The following DPP10 variants were observed in gnomAD, a reference collection of about 807,000 sequenced individuals.
DPP10 encodes the protein inactive dipeptidyl peptidase 10.
A neutral mutation model predicts 120.9 loss-of-function variants in DPP10; 33 were observed. The observed-to-expected ratio is 0.27, with a 90% CI of 0.21 to 0.37. The LOEUF is 0.37. DPP10 is among the 10% of genes least tolerant of loss of function. The pLI is 1.00. For synonymous variants in DPP10, 337 were observed against 326.1 expected (o/e 1.03, Z -0.36); for missense variants, 816 against 942.8 (o/e 0.87, Z 1.76).
intron 1 of DPP10, among the ~76,000 whole-genome samples, chr2:114,915,312 C>T (rs1162668806): frequency 1.3e-5 from 2 of 152,166 alleles, no homozygotes; most frequent in African/African-American, 4.8e-5. Flanking sequence ...GAAGTTTTAA[C>T]TATTCTAAAT....
intron 1 of DPP10, among the ~76,000 whole-genome samples, chr2:114,797,153 T>C (rs1683789155): frequency 6.6e-6 from 1 of 152,210 alleles, no homozygotes; most frequent in African/African-American, 2.4e-5. Context: ...TAATTTTAAC[T>C]TTCAAGATTA....
In DPP10 at chr2:115,066,203, T is replaced by C. The variant is rs572212531; in HGVS notation, c.61-243036T>C. Among the ~76,000 whole-genome samples the C allele has an allele frequency of 2.6e-5, 4 of 152,314 alleles. No homozygotes were observed. In the South Asian group the frequency reaches 8.3e-4, roughly 32 times the overall value. On this transcript the variant is annotated intron_variant, in intron 1 of 25. Coordinates refer to ENST00000410059, the MANE Select transcript of DPP10 (RefSeq NM_020868.6). ...GATTCATTAACTTATTCATTTTATA[T>C]ATATGTATGTTTTTCACGTTATAGA...
intron 1 of DPP10, among the ~76,000 whole-genome samples, chr2:115,294,653 TCA>T (rs2060804193): frequency 6.6e-6 from 1 of 152,134 alleles, no homozygotes; most frequent in Non-Finnish European, 1.5e-5. Flanking sequence ...GTTAACCTTA[TCA>T]ATTGTGACTA....
At chr2:114,984,683 T>A (rs1293927585) in intron 1 of DPP10, among the ~76,000 whole-genome samples, 3 of 152,292 alleles carry the variant, frequency 2.0e-5, no homozygotes, top group African/African-American at 7.2e-5. Context: ...AAGGAACCCA[T>A]CAGGCACCAT....
intron 1 of DPP10, among the ~76,000 whole-genome samples, chr2:115,116,152 T>C (rs1052644686): frequency 6.6e-6 from 1 of 152,004 alleles, no homozygotes; most frequent in Admixed American, 6.6e-5. Flanking sequence ...ATCTCATTTT[T>C]TTTCCCAAAG....
At chr2:114,445,532 CTCTGTGTGTGTGTG>C (rs1558766336) in intron 1 of DPP10, among the ~76,000 whole-genome samples, 3 of 116,034 alleles carry the variant, frequency 2.6e-5, no homozygotes, top group African/African-American at 9.9e-5. Flanking sequence ...GGAAAAACAG[CTCTGTGTGTGTGTG>C]TGTGTGTGTG....
At chr2:115,554,775 A>G (rs1204379119) in intron 5 of DPP10, among the ~76,000 whole-genome samples, 2 of 152,146 alleles carry the variant, frequency 1.3e-5, no homozygotes, top group Admixed American at 6.6e-5. Flanking sequence ...ATATCTTTCC[A>G]TGACAAAACA....
At chr2:114,849,262 G>C (rs150253129) in intron 1 of DPP10, among the ~76,000 whole-genome samples, 1 of 152,060 alleles carries the variant, frequency 6.6e-6, no homozygotes, top group South Asian at 2.1e-4. Flanking sequence ...TAAAATAATT[G>C]TTCTGGGTCT....
chr2:115,221,754 G>GTTTTTTTTTTTTTTTTTTTTTTTT (rs56077672), intron 1 of DPP10, among the ~76,000 whole-genome samples: 1 of 120,144 alleles, frequency 8.3e-6, no homozygotes, highest in African/African-American at 3.3e-5. Flanking sequence ...GTTTGTTTCT[G>GTTTTTTTTTTTTTTTTTTTTTTTT]TTTTTTTTTT....
intron 1 of DPP10, among the ~76,000 whole-genome samples, chr2:114,486,671 T>C (rs961188269): frequency 1.3e-5 from 2 of 152,166 alleles, no homozygotes; most frequent in Non-Finnish European, 2.9e-5. Flanking sequence ...TCTGTAACTC[T>C]CATGATTTTG....
intron 1 of DPP10, among the ~76,000 whole-genome samples, chr2:114,680,806 G>T (rs1698977466): frequency 6.6e-6 from 1 of 151,920 alleles, no homozygotes; most frequent in Non-Finnish European, 1.5e-5. Context: ...GAACTAAAAT[G>T]ATGAAACAAG....
intron 1 of DPP10, among the ~76,000 whole-genome samples, chr2:114,966,660 A>C (rs553371178): frequency 6.6e-6 from 1 of 152,224 alleles, no homozygotes; most frequent in African/African-American, 2.4e-5. Context: ...ACAGCACCAC[A>C]CACAACAATG....
intron 1 of DPP10, among the ~76,000 whole-genome samples, chr2:114,794,488 C>T (rs1425405551): frequency 2.6e-5 from 4 of 152,140 alleles, no homozygotes; most frequent in Admixed American, 6.5e-5. Context: ...CCTGAGAAGA[C>T]AAGGGAGATC....
chr2:114,745,353 G>T (rs1004840319), intron 1 of DPP10, among the ~76,000 whole-genome samples: 11 of 152,072 alleles, frequency 7.2e-5, no homozygotes, highest in Non-Finnish European at 1.0e-4. Flanking sequence ...GCAAACAATA[G>T]ATTTTGTTTA....
At chr2:115,586,042 G>A (rs942620675) in intron 5 of DPP10, among the ~76,000 whole-genome samples, 1 of 152,132 alleles carries the variant, frequency 6.6e-6, no homozygotes, top group African/African-American at 2.4e-5. Flanking sequence ...AATATCAAAG[G>A]CCAGGTGTGG....
intron 5 of DPP10, among the ~76,000 whole-genome samples, chr2:115,548,047 G>A (rs1365444419): frequency 1.3e-5 from 2 of 152,052 alleles, no homozygotes; most frequent in African/African-American, 2.4e-5. Flanking sequence ...AAACTAACAA[G>A]AAATATCAAT....
intron 21 of DPP10, among the ~76,000 whole-genome samples, chr2:115,835,740 CAT>C (rs1559220810): frequency 6.6e-6 from 1 of 152,062 alleles, no homozygotes; most frequent in African/African-American, 2.4e-5. Flanking sequence ...CTTAATTCTA[CAT>C]AATCATCATT....
intron 1 of DPP10, among the ~76,000 whole-genome samples, chr2:115,150,228 C>T (rs945287843): frequency 2.6e-5 from 4 of 152,184 alleles, no homozygotes; most frequent in East Asian, 1.9e-4. Context: ...CTCAGTCATT[C>T]GCCTAGCACA....
At chr2:114,671,594 G>A (rs529235432) in intron 1 of DPP10, among the ~76,000 whole-genome samples, 34 of 152,130 alleles carry the variant, frequency 2.2e-4, no homozygotes, top group African/African-American at 7.9e-4. Context: ...ATAGGATTTG[G>A]TAATATCATG....
Sources: allele counts gnomAD v4.1 joint callset (sites outside exome capture counted in the v4.1 genomes callset), GRCh38; gene constraint gnomAD v4.1.1; transcripts MANE v1.5; gene names NCBI Gene and HGNC (gene_info 2026-07-23, HGNC 2026-07-21).